Variants in LTBP1 observed in about 807,000 individuals in gnomAD.
LTBP1 encodes latent transforming growth factor beta binding protein 1.
LTBP1 carries 129 observed loss-of-function variants against 207.6 expected under a neutral mutation model. The observed-to-expected ratio is 0.62, with a 90% confidence interval of 0.54 to 0.72. LTBP1 has a LOEUF of 0.72. Among genes scored for constraint, LTBP1 ranks in the 30% least tolerant of loss-of-function variants. The pLI, the probability that LTBP1 is intolerant of heterozygous loss-of-function variation, is 0.00. For missense variants in LTBP1, 2,281 were observed against 2,217.2 expected (o/e 1.03, Z -0.58); for synonymous variants, 963 against 833.7 (o/e 1.16, Z -2.67).
At chr2:33,214,366 C>T (rs1290769483) in intron 7 of LTBP1, among the ~76,000 whole-genome samples, 1 of 152,144 alleles carries the variant, frequency 6.6e-6, no homozygotes, top group Non-Finnish European at 1.5e-5. Context: ...CTGATTCCAG[C>T]CCCAAATATG....
chr2:33,061,429 C>G (rs894857343), intron 3 of LTBP1: 3 of 152,110 alleles, frequency 2.0e-5, no homozygotes, highest in Admixed American at 6.6e-5. Flanking sequence ...AAAACTCTAT[C>G]AAGGTAGAGG....
chr2:33,257,622 C>A, intron 12 of LTBP1, 111 bp downstream of exon 12: 3 of 847,138 alleles, frequency 3.5e-6, no homozygotes, highest in Admixed American at 2.6e-5. Context: ...GCACTATTGG[C>A]ATTTTAGAGT....
intron 2 of LTBP1, among the ~76,000 whole-genome samples, chr2:32,961,639 G>T (rs1253446846): frequency 6.6e-6 from 1 of 152,096 alleles, no homozygotes; most frequent in African/African-American, 2.4e-5. Flanking sequence ...GTCAAATGAG[G>T]CTCATCACAG....
chr2:33,290,994 G>C (rs996786926), intron 19 of LTBP1, among the ~76,000 whole-genome samples: 3 of 152,190 alleles, frequency 2.0e-5, no homozygotes, highest in Non-Finnish European at 4.4e-5. Flanking sequence ...TCTTTGTAGA[G>C]ATTCTTTAGT....
chr2:33,049,226 G>A (rs565826896), intron 3 of LTBP1, among the ~76,000 whole-genome samples: 18 of 152,214 alleles, frequency 1.2e-4, no homozygotes, highest in Admixed American at 7.2e-4. Context: ...AAAATCTTCC[G>A]GAGAGTTTAA....
At chr2:33,273,921 AGC>A in intron 16 of LTBP1, 140 bp downstream of exon 16, 1 of 595,508 alleles carries the variant, frequency 1.7e-6, no homozygotes, top group Non-Finnish European at 2.5e-6. Flanking sequence ...TAGCTAAGGG[AGC>A]TCAAAAAAAG....
At chr2:33,046,322 A>C (rs142346850) in intron 3 of LTBP1, among the ~76,000 whole-genome samples, 2,638 of 152,274 alleles carry the variant, frequency 0.017, 73 homozygotes, top group African/African-American at 0.061. Flanking sequence ...TTTTAGCATG[A>C]AGAGGTGTTG....
chr2:33,253,167 G>T (rs549485834), intron 11 of LTBP1, among the ~76,000 whole-genome samples: 1 of 152,160 alleles, frequency 6.6e-6, no homozygotes, highest in Non-Finnish European at 1.5e-5. Context: ...GCTGGGCCAT[G>T]CGCTTTCCTA....
At chr2:33,021,812 GAAGT>G (rs771018035) in intron 3 of LTBP1, among the ~76,000 whole-genome samples, 1 of 152,060 alleles carries the variant, frequency 6.6e-6, no homozygotes, top group Non-Finnish European at 1.5e-5. Flanking sequence ...TTAGTGTTAG[GAAGT>G]AAGTGCTATT....
chr2:33,343,251 TA>T lies in LTBP1; in HGVS notation c.3856+298del, dbSNP rs968575226. Among the ~76,000 whole-genome samples, 12 of 150,122 alleles carry T rather than the reference TA, an allele frequency of 8.0e-5. No individual in the cohort carries two copies. The East Asian group carries it at 9.8e-4, about 12-fold the overall frequency. ...ATCTTTTCTCTATGAATAAAAATTT[TA>T]AAAAAAAAATTAGCCAGGCTTGATG... On this transcript the variant is annotated intron_variant, in intron 25 of 33. Transcript: ENST00000404816.
intron 2 of LTBP1, among the ~76,000 whole-genome samples, chr2:32,959,605 A>G (rs1177583840): frequency 7.2e-5 from 3 of 41,782 alleles, no homozygotes; most frequent in African/African-American, 2.0e-4. Flanking sequence ...GTGTATATAT[A>G]TATATATATA....
intron 13 of LTBP1, among the ~76,000 whole-genome samples, chr2:33,261,779 CA>C (rs923437040): frequency 1.8e-4 from 28 of 152,054 alleles, no homozygotes; most frequent in South Asian, 2.1e-4. Flanking sequence ...TTTGTGCTTG[CA>C]AAGTTGGATT....
intron 2 of LTBP1, among the ~76,000 whole-genome samples, chr2:32,982,901 G>A (rs1168689386): frequency 6.6e-6 from 1 of 152,234 alleles, no homozygotes. Context: ...CTCTGTTACG[G>A]CAGTGCAGAA....
intron 2 of LTBP1, among the ~76,000 whole-genome samples, chr2:32,977,058 G>T (rs1426005474): frequency 1.3e-5 from 2 of 152,220 alleles, no homozygotes; most frequent in Non-Finnish European, 2.9e-5. Context: ...CTGCTGTCCG[G>T]GTGTTATCCT....
intron 32 of LTBP1, among the ~76,000 whole-genome samples, chr2:33,394,027 T>A (rs562604530): frequency 6.6e-6 from 1 of 152,112 alleles, no homozygotes; most frequent in Admixed American, 6.6e-5. Flanking sequence ...TTGATTTGCA[T>A]TCCTCTGATG....
intron 10 of LTBP1, among the ~76,000 whole-genome samples, chr2:33,248,747 C>T (rs951342483): frequency 2.0e-4 from 30 of 152,000 alleles, no homozygotes; most frequent in Admixed American, 6.5e-4. Flanking sequence ...CCACCACACC[C>T]GGCTAATTTT....
intron 24 of LTBP1, among the ~76,000 whole-genome samples, chr2:33,319,550 G>GT (rs1263471293): frequency 6.6e-6 from 1 of 152,050 alleles, no homozygotes; most frequent in East Asian, 1.9e-4. Context: ...CATGGCCCAT[G>GT]GGGAAAAACC....
intron 3 of LTBP1, among the ~76,000 whole-genome samples, chr2:33,071,812 G>C (rs990204158): frequency 1.3e-5 from 2 of 152,150 alleles, no homozygotes; most frequent in African/African-American, 4.8e-5. Context: ...TGGGACCTAA[G>C]CTGACAAAGC....
intron 3 of LTBP1, among the ~76,000 whole-genome samples, chr2:33,053,176 G>T (rs77462355): frequency 0.097 from 14,775 of 152,186 alleles, 957 homozygotes; most frequent in Non-Finnish European, 0.14. Context: ...TGGCCTAAAA[G>T]ATTTCAGTTT....
Sources: allele counts gnomAD v4.1 joint callset (sites outside exome capture counted in the v4.1 genomes callset), GRCh38; gene constraint gnomAD v4.1.1; transcripts MANE v1.5; gene names NCBI Gene and HGNC (gene_info 2026-07-23, HGNC 2026-07-21).